The following SLCO6A1 variants were observed in gnomAD, a reference collection of about 807,000 sequenced individuals.
SLCO6A1 encodes solute carrier organic anion transporter family member 6A1, also known as cancer/testis antigen 48.
SLCO6A1 carries 65 observed loss-of-function variants against 72.7 expected under a neutral mutation model. The observed-to-expected ratio is 0.89, with a 90% confidence interval of 0.73 to 1.10. SLCO6A1 has a LOEUF of 1.10. Among genes scored for constraint, SLCO6A1 ranks in the 50% least tolerant of loss-of-function variants. The probability of loss-of-function intolerance (pLI) is 0.00; values close to 1 mark genes in which losing one functional copy is unlikely to be tolerated. For synonymous variants in SLCO6A1, 314 were observed against 298.2 expected, an observed-to-expected ratio of 1.05 and a Z score of -0.55; for missense variants, 874 against 872.6, an observed-to-expected ratio of 1.00 and a Z score of -0.02.
At chr5:102,479,606 C>T (rs1236876737) in intron 2 of SLCO6A1, among the ~76,000 whole-genome samples, 1 of 151,970 alleles carries the variant, frequency 6.6e-6, no homozygotes, top group Non-Finnish European at 1.5e-5. Context: ...ATCCCAATGT[C>T]CCCTTCATGT....
chr5:102,410,205 GCT>G (rs376956842), intron 9 of SLCO6A1, among the ~76,000 whole-genome samples: 24 of 152,234 alleles, frequency 1.6e-4, no homozygotes, highest in East Asian at 1.4e-3. Flanking sequence ...CCAGTGTTCA[GCT>G]CTCAGCAGAG....
intron 9 of SLCO6A1, among the ~76,000 whole-genome samples, chr5:102,404,305 C>T (rs1747553696): frequency 6.6e-6 from 1 of 152,136 alleles, no homozygotes; most frequent in African/African-American, 2.4e-5. Context: ...ACCATCCTGG[C>T]TAACATGGTG....
chr5:102,477,511 A>G, intron 3 of SLCO6A1, among the ~76,000 whole-genome samples, 165 bp downstream of exon 3: 1 of 152,158 alleles, frequency 6.6e-6, no homozygotes. Context: ...ACAGCTACTT[A>G]GAATTAGGTG....
intron 1 of SLCO6A1, among the ~76,000 whole-genome samples, chr5:102,492,005 T>A (rs1436382925): frequency 6.6e-6 from 1 of 152,200 alleles, no homozygotes; most frequent in Non-Finnish European, 1.5e-5. Flanking sequence ...GCGAAAGCAG[T>A]CACATCTTAC....
intron 8 of SLCO6A1, among the ~76,000 whole-genome samples, chr5:102,416,812 G>A (rs543690298): frequency 2.6e-5 from 4 of 152,248 alleles, no homozygotes; most frequent in Admixed American, 6.5e-5. Context: ...TTACATGCGT[G>A]CATGAATAGA....
chr5:102,457,480 T>A (rs77310157), intron 6 of SLCO6A1, among the ~76,000 whole-genome samples: 97,049 of 151,824 alleles, frequency 0.64, 31,198 homozygotes, highest in African/African-American at 0.66. Flanking sequence ...ATATTTATGC[T>A]GCCAAAAGAC....
intron 9 of SLCO6A1, among the ~76,000 whole-genome samples, chr5:102,406,998 A>T (rs138928410): frequency 1.2e-5 from 1 of 83,390 alleles, no homozygotes; most frequent in African/African-American, 4.6e-5. Context: ...AACACCCAAG[A>T]GTCCCTCTAT....
At chr5:102,401,402 G>C (rs1194588858) in intron 9 of SLCO6A1, among the ~76,000 whole-genome samples, 1 of 152,050 alleles carries the variant, frequency 6.6e-6, no homozygotes, top group Middle Eastern at 3.2e-3. Context: ...GTGATGTGAA[G>C]TCATTGGATG....
chr5:102,483,151 G>A (rs575379679), intron 1 of SLCO6A1, among the ~76,000 whole-genome samples: 1 of 152,078 alleles, frequency 6.6e-6, no homozygotes, highest in East Asian at 1.9e-4. Context: ...TCATTATTGA[G>A]AGCCTCTTGT....
intron 1 of SLCO6A1, among the ~76,000 whole-genome samples, chr5:102,490,255 C>A (rs575379820): frequency 6.6e-6 from 1 of 152,266 alleles, no homozygotes; most frequent in East Asian, 1.9e-4. Context: ...TTTGAATGTT[C>A]TCACCACAAA....
intron 7 of SLCO6A1, among the ~76,000 whole-genome samples, chr5:102,429,263 C>T (rs775774572): frequency 2.6e-5 from 4 of 152,144 alleles, no homozygotes; most frequent in African/African-American, 4.8e-5. Context: ...GTCTAGTTTA[C>T]TCTGTTGATA....
At chr5:102,466,479 A>G (rs186385861) in intron 4 of SLCO6A1, among the ~76,000 whole-genome samples, 424 of 152,204 alleles carry the variant, frequency 2.8e-3, no homozygotes, top group Middle Eastern at 6.8e-3. Flanking sequence ...TAATGCTGCA[A>G]TGATCATATG....
intron 6 of SLCO6A1, among the ~76,000 whole-genome samples, chr5:102,447,289 G>T (rs1750165440): frequency 6.6e-6 from 1 of 152,098 alleles, no homozygotes; most frequent in Non-Finnish European, 1.5e-5. Context: ...GAGAATGTTT[G>T]CATTTATGTT....
chr5:102,386,917 T>C (rs1179280858), intron 12 of SLCO6A1, among the ~76,000 whole-genome samples: 2 of 152,188 alleles, frequency 1.3e-5, no homozygotes, highest in Non-Finnish European at 2.9e-5. Flanking sequence ...CTCTGCACTG[T>C]TCTGCCAGAC....
At chr5:102,410,019 C>G (rs1238150320) in intron 9 of SLCO6A1, among the ~76,000 whole-genome samples, 2 of 152,024 alleles carry the variant, frequency 1.3e-5, no homozygotes, top group African/African-American at 4.8e-5. Flanking sequence ...ACTTTGGAGG[C>G]TGGAAATCTC....
chr5:102,475,252 T>C (rs1751835713), intron 4 of SLCO6A1, among the ~76,000 whole-genome samples: 1 of 152,080 alleles, frequency 6.6e-6, no homozygotes. Context: ...TGGAGTATTA[T>C]TCAGCCTTAA....
chr5:102,437,405 T>C (rs1749600124), intron 7 of SLCO6A1, among the ~76,000 whole-genome samples: 1 of 152,160 alleles, frequency 6.6e-6, no homozygotes, highest in Admixed American at 6.5e-5. Flanking sequence ...TAAGGATTTG[T>C]TCAGCTGGCT....
chr5:102,482,794 A>C (rs562385714), intron 1 of SLCO6A1, among the ~76,000 whole-genome samples: 1 of 152,326 alleles, frequency 6.6e-6, no homozygotes, highest in East Asian at 1.9e-4. Context: ...CAGGACCATG[A>C]TGACAAAAGA....
At chr5:102,455,007 A>T (rs1019297074) in intron 6 of SLCO6A1, among the ~76,000 whole-genome samples, 47 of 76,674 alleles carry the variant, frequency 6.1e-4, no homozygotes, top group Middle Eastern at 7.1e-3. Context: ...AATATATATA[A>T]ATATATATAT....
Sources: gnomAD v4.1 joint callset for allele counts (sites outside exome capture counted in the v4.1 genomes callset) on GRCh38, gnomAD v4.1.1 for gene constraint, MANE v1.5 for transcripts, NCBI Gene and HGNC (gene_info 2026-07-23, HGNC 2026-07-21) for gene names.